The following LRRC4C variants were observed in gnomAD, a reference collection of about 807,000 sequenced individuals.
LRRC4C encodes leucine rich repeat containing 4C, also known as leucine-rich repeat-containing protein 4C.
In LRRC4C, 5 loss-of-function variants were observed where a neutral mutation model predicts 33.6. That is an observed-to-expected ratio of 0.15 (90% confidence interval 0.08 to 0.31). LRRC4C has a LOEUF of 0.31. LRRC4C is among the 10% of genes least tolerant of loss of function. The probability of loss-of-function intolerance (pLI) is 1.00; values close to 1 mark genes in which losing one functional copy is unlikely to be tolerated. For synonymous variants in LRRC4C, 329 were observed against 302.0 expected (o/e 1.09, Z -0.93); for missense variants, 560 against 796.7 (o/e 0.70, Z 3.58).
chr11:40,121,502 A>T (rs1419489893), intron 6 of LRRC4C, among the ~76,000 whole-genome samples: 1 of 152,206 alleles, frequency 6.6e-6, no homozygotes, highest in African/African-American at 2.4e-5. Context: ...TGTTTTTATC[A>T]CATCAAATGA....
At chr11:40,320,354 A>T (rs1037898646) in intron 3 of LRRC4C, among the ~76,000 whole-genome samples, 4 of 151,984 alleles carry the variant, frequency 2.6e-5, no homozygotes, top group Non-Finnish European at 4.4e-5. Context: ...AAATACAAAA[A>T]ATTAGCCAGG....
At chr11:40,189,133 G>A (rs955406006) in intron 5 of LRRC4C, among the ~76,000 whole-genome samples, 9 of 152,130 alleles carry the variant, frequency 5.9e-5, no homozygotes, top group Admixed American at 3.9e-4. Flanking sequence ...CTAATTTAAC[G>A]TCATGGTCTT....
intron 4 of LRRC4C, among the ~76,000 whole-genome samples, chr11:40,305,057 C>T (rs1185467105): frequency 2.0e-5 from 3 of 152,142 alleles, no homozygotes; most frequent in Admixed American, 6.6e-5. Context: ...CAACCTTATC[C>T]CACATTTCCT....
chr11:41,272,664 A>C (rs1259091269), intron 1 of LRRC4C, among the ~76,000 whole-genome samples: 1 of 152,172 alleles, frequency 6.6e-6, no homozygotes, highest in Non-Finnish European at 1.5e-5. Flanking sequence ...GATGTTTTAA[A>C]AGAATTAAAA....
chr11:40,742,933 A>C (rs1013417095), intron 2 of LRRC4C, among the ~76,000 whole-genome samples: 27 of 152,152 alleles, frequency 1.8e-4, no homozygotes, highest in African/African-American at 6.5e-4. Flanking sequence ...TGACATACAT[A>C]TCATACCAGC....
intron 4 of LRRC4C, among the ~76,000 whole-genome samples, chr11:40,252,046 G>A (rs932204751): frequency 3.3e-5 from 5 of 152,044 alleles, no homozygotes; most frequent in Non-Finnish European, 5.9e-5. Flanking sequence ...CCTATTTCAT[G>A]GAATCAGATG....
At chr11:40,266,946 C>T (rs1270606253) in intron 4 of LRRC4C, among the ~76,000 whole-genome samples, 1 of 133,890 alleles carries the variant, frequency 7.5e-6, no homozygotes, top group East Asian at 2.4e-4. Flanking sequence ...CACACCCACC[C>T]ACCCACCCAC....
At chr11:40,850,657 G>A (rs1238768165) in intron 2 of LRRC4C, among the ~76,000 whole-genome samples, 5 of 152,344 alleles carry the variant, frequency 3.3e-5, no homozygotes, top group Admixed American at 6.5e-5. Context: ...CTGGAGCACT[G>A]TGCTGGGAGA....
At chr11:40,544,525 C>T (rs77392333) in intron 3 of LRRC4C, among the ~76,000 whole-genome samples, 7 of 152,108 alleles carry the variant, frequency 4.6e-5, no homozygotes, top group African/African-American at 1.4e-4. Flanking sequence ...TAAATTCAGG[C>T]AAAATATGGA....
chr11:40,985,435 G>T (rs1380751908), intron 1 of LRRC4C, among the ~76,000 whole-genome samples: 1 of 151,638 alleles, frequency 6.6e-6, no homozygotes, highest in Non-Finnish European at 1.5e-5. Context: ...TTTTCTTGTA[G>T]TTTGGTAATA....
chr11:40,404,884 T>C (rs192915013), intron 3 of LRRC4C, among the ~76,000 whole-genome samples: 1 of 152,048 alleles, frequency 6.6e-6, no homozygotes, highest in East Asian at 1.9e-4. Flanking sequence ...AAAATGTTAC[T>C]ATAATGATAT....
At chr11:40,857,355 A>G (rs1487306532) in intron 2 of LRRC4C, among the ~76,000 whole-genome samples, 1 of 151,992 alleles carries the variant, frequency 6.6e-6, no homozygotes, top group Non-Finnish European at 1.5e-5. Flanking sequence ...CTCCCCACTG[A>G]CCCTGCCAAC....
intron 3 of LRRC4C, among the ~76,000 whole-genome samples, chr11:40,426,676 T>G (rs2137802913): frequency 6.6e-6 from 1 of 152,306 alleles, no homozygotes; most frequent in South Asian, 2.1e-4. Flanking sequence ...GAAAGCTTTT[T>G]AAAAGCAGGG....
chr11:40,351,279 T>C (rs867951744), intron 3 of LRRC4C, among the ~76,000 whole-genome samples: 3 of 152,050 alleles, frequency 2.0e-5, no homozygotes, highest in Non-Finnish European at 4.4e-5. Flanking sequence ...TGATATGATT[T>C]TTTTTTTTTG....
At chr11:41,125,361 T>C (rs2135796577) in intron 1 of LRRC4C, among the ~76,000 whole-genome samples, 1 of 152,266 alleles carries the variant, frequency 6.6e-6, no homozygotes, top group South Asian at 2.1e-4. Context: ...AACCAGGTGG[T>C]AATCAATAAA....
At chr11:41,399,474 T>G (rs2138088427) in intron 1 of LRRC4C, among the ~76,000 whole-genome samples, 1 of 152,006 alleles carries the variant, frequency 6.6e-6, no homozygotes, top group Middle Eastern at 3.4e-3. Flanking sequence ...AAAATTGCCT[T>G]TAGAATGACA....
At chr11:40,224,946 T>A (rs181168273) in intron 5 of LRRC4C, among the ~76,000 whole-genome samples, 1 of 152,252 alleles carries the variant, frequency 6.6e-6, no homozygotes. Context: ...TAGAAGTCAA[T>A]CCCCTCTTCT....
chr11:41,169,018 A>G (rs1221240645), intron 1 of LRRC4C, among the ~76,000 whole-genome samples: 1 of 152,180 alleles, frequency 6.6e-6, no homozygotes, highest in African/African-American at 2.4e-5. Context: ...TGCAAACAAG[A>G]AGATGAACTC....
chr11:40,197,525 C>T (rs376863262), intron 5 of LRRC4C, among the ~76,000 whole-genome samples: 40 of 152,278 alleles, frequency 2.6e-4, no homozygotes, highest in African/African-American at 4.3e-4. Flanking sequence ...TAGGACTTTC[C>T]GTAGAATAAG....
Sources: allele counts gnomAD v4.1 joint callset (sites outside exome capture counted in the v4.1 genomes callset), GRCh38; gene constraint gnomAD v4.1.1; transcripts MANE v1.5; gene names NCBI Gene and HGNC (gene_info 2026-07-23, HGNC 2026-07-21).